CDKAL1: variants seen among roughly 807,000 people sequenced by gnomAD.
CDKAL1 encodes threonylcarbamoyladenosine tRNA methylthiotransferase.
A neutral mutation model predicts 68.2 loss-of-function variants in CDKAL1; 32 were observed. The observed-to-expected ratio is 0.47, with a 90% confidence interval of 0.35 to 0.63. The LOEUF (loss-of-function observed/expected upper bound fraction) is 0.63, where lower values mean the gene tolerates loss of function less well. CDKAL1 is among the 30% of genes least tolerant of loss of function. CDKAL1 has a pLI of 0.00. For synonymous variants in CDKAL1, 234 were observed against 244.3 expected (o/e 0.96, Z 0.39); for missense variants, 606 against 696.7 (o/e 0.87, Z 1.47).
intron 13 of CDKAL1, among the ~76,000 whole-genome samples, chr6:21,115,876 A>G (rs1774379598): frequency 6.6e-6 from 1 of 152,194 alleles, no homozygotes; most frequent in South Asian, 2.1e-4. Flanking sequence ...TGTTTATTAA[A>G]GTATCTTCCC....
At chr6:21,007,557 A>G (rs915382867) in intron 11 of CDKAL1, among the ~76,000 whole-genome samples, 3 of 150,842 alleles carry the variant, frequency 2.0e-5, no homozygotes, top group Non-Finnish European at 4.4e-5. Context: ...CTCAGTTTCT[A>G]CTGTGGTTCT....
intron 8 of CDKAL1, among the ~76,000 whole-genome samples, chr6:20,802,076 G>A (rs555953918): frequency 6.6e-6 from 1 of 152,090 alleles, no homozygotes; most frequent in East Asian, 1.9e-4. Flanking sequence ...GAGGTGGGCG[G>A]ATCACAAGGT....
At chr6:21,001,872 T>C (rs970123787) in intron 11 of CDKAL1, among the ~76,000 whole-genome samples, 1 of 152,254 alleles carries the variant, frequency 6.6e-6, no homozygotes, top group Non-Finnish European at 1.5e-5. Context: ...CAATAAAAAC[T>C]TGATACTTGT....
At chr6:20,645,064 A>G (rs963889943) in intron 4 of CDKAL1, among the ~76,000 whole-genome samples, 18 of 152,202 alleles carry the variant, frequency 1.2e-4, no homozygotes, top group African/African-American at 3.6e-4. Context: ...GAAAAGGTAC[A>G]GTAAAAATAT....
At chr6:20,979,654 G>A (rs147227511) in intron 10 of CDKAL1, among the ~76,000 whole-genome samples, 102 of 152,222 alleles carry the variant, frequency 6.7e-4, no homozygotes, top group Non-Finnish European at 1.3e-3. Context: ...GGAGCGGAGT[G>A]CGGCCGACGA....
chr6:20,876,248 A>G (rs1035035134), intron 9 of CDKAL1, among the ~76,000 whole-genome samples: 1 of 152,178 alleles, frequency 6.6e-6, no homozygotes, highest in African/African-American at 2.4e-5. Flanking sequence ...TGGACTGGGG[A>G]TTAGAAAAGT....
intron 13 of CDKAL1, among the ~76,000 whole-genome samples, chr6:21,174,887 T>C (rs936331332): frequency 6.6e-6 from 1 of 152,192 alleles, no homozygotes; most frequent in Admixed American, 6.5e-5. Context: ...TGTCTATTAA[T>C]AGGAAAGTGG....
chr6:21,038,671 A>G (rs1769730854), intron 11 of CDKAL1, among the ~76,000 whole-genome samples: 1 of 152,074 alleles, frequency 6.6e-6, no homozygotes. Context: ...AAATATTATG[A>G]GTTTTTTTGT....
intron 4 of CDKAL1, among the ~76,000 whole-genome samples, chr6:20,642,027 C>T (rs373648738): frequency 6.6e-6 from 1 of 152,092 alleles, no homozygotes; most frequent in South Asian, 2.1e-4. Flanking sequence ...TGGATAGTAT[C>T]GCACTTAATA....
At chr6:20,788,325 C>A (rs1775758969) in intron 8 of CDKAL1, among the ~76,000 whole-genome samples, 2 of 152,228 alleles carry the variant, frequency 1.3e-5, no homozygotes, top group Non-Finnish European at 2.9e-5. Context: ...GTTTTCCTAA[C>A]ATGGCTCTCA....
At chr6:20,688,055 C>G (rs2127799779) in intron 5 of CDKAL1, among the ~76,000 whole-genome samples, 1 of 152,010 alleles carries the variant, frequency 6.6e-6, no homozygotes, top group Admixed American at 6.5e-5. Flanking sequence ...TTACCACTCG[C>G]TTGTATGGTT....
intron 9 of CDKAL1, among the ~76,000 whole-genome samples, chr6:20,887,675 T>G (rs200471789): frequency 2.6e-5 from 1 of 38,994 alleles, no homozygotes; most frequent in African/African-American, 6.0e-5. Flanking sequence ...ATGAGGTGCA[T>G]AGGATTACTT....
intron 8 of CDKAL1, among the ~76,000 whole-genome samples, chr6:20,838,307 G>A (rs926170856): frequency 3.9e-5 from 6 of 152,028 alleles, no homozygotes; most frequent in Non-Finnish European, 5.9e-5. Flanking sequence ...TTGGACATTC[G>A]TAAGTTAGCT....
chr6:20,801,122 T>C (rs1052041255), intron 8 of CDKAL1, among the ~76,000 whole-genome samples: 1 of 150,882 alleles, frequency 6.6e-6, no homozygotes, highest in African/African-American at 2.4e-5. Context: ...CAGGGCCTTA[T>C]TATGTTGCCC....
intron 9 of CDKAL1, among the ~76,000 whole-genome samples, chr6:20,877,045 G>T (rs901883698): frequency 1.3e-5 from 2 of 152,164 alleles, no homozygotes; most frequent in Non-Finnish European, 2.9e-5. Flanking sequence ...GGTGATGATG[G>T]TTCCAATTCT....
chr6:20,876,655 G>C (rs946548055), intron 9 of CDKAL1, among the ~76,000 whole-genome samples: 8 of 152,156 alleles, frequency 5.3e-5, no homozygotes, highest in Admixed American at 1.3e-4. Context: ...GGCAGACCTA[G>C]ATATGAATGC....
chr6:20,806,623 C>T (rs2150413786), intron 8 of CDKAL1, among the ~76,000 whole-genome samples: 1 of 152,232 alleles, frequency 6.6e-6, no homozygotes, highest in East Asian at 1.9e-4. Flanking sequence ...TCCACAATCT[C>T]ACCAGTATCT....
chr6:20,727,398 CA>C (rs1454099458), intron 5 of CDKAL1, among the ~76,000 whole-genome samples: 8 of 152,032 alleles, frequency 5.3e-5, no homozygotes, highest in African/African-American at 1.9e-4. Flanking sequence ...CTTAAGGACA[CA>C]GTTAGAATTT....
chr6:20,582,931 T>C (rs1004816012), intron 4 of CDKAL1, among the ~76,000 whole-genome samples: 1 of 152,194 alleles, frequency 6.6e-6, no homozygotes, highest in Admixed American at 6.5e-5. Flanking sequence ...CTTAGGGTAA[T>C]GTCTTCTCCA....
Sources: allele counts gnomAD v4.1 joint callset (sites outside exome capture counted in the v4.1 genomes callset), GRCh38; gene constraint gnomAD v4.1.1; transcripts MANE v1.5; gene names NCBI Gene and HGNC (gene_info 2026-07-23, HGNC 2026-07-21).